The following CTNNA3 variants were observed in gnomAD, a reference collection of about 807,000 sequenced individuals.
The protein encoded by CTNNA3 is catenin alpha-3.
CTNNA3 carries 76 observed loss-of-function variants against 95.7 expected under a neutral mutation model. The observed-to-expected ratio is 0.79, with a 90% confidence interval of 0.66 to 0.96. CTNNA3 has a LOEUF of 0.96. Ranked by LOEUF, CTNNA3 falls within the 40% of genes least tolerant of loss-of-function variation. The pLI is 0.00. For missense variants in CTNNA3, 1,191 were observed against 1,089.8 expected, an observed-to-expected ratio of 1.09 and a Z score of -1.31; for synonymous variants, 431 against 374.4, an observed-to-expected ratio of 1.15 and a Z score of -1.74.
intron 12 of CTNNA3, among the ~76,000 whole-genome samples, chr10:66,341,827 G>C (rs1222024098): frequency 6.6e-6 from 1 of 151,764 alleles, no homozygotes; most frequent in Non-Finnish European, 1.5e-5. Flanking sequence ...TTCTACTGTT[G>C]ATATTATTCT....
At chr10:67,304,384 G>C (rs963437863) in intron 5 of CTNNA3, among the ~76,000 whole-genome samples, 2 of 152,112 alleles carry the variant, frequency 1.3e-5, no homozygotes, top group Admixed American at 6.5e-5. Context: ...TCTCATCAAT[G>C]TTTCATCTTT....
chr10:67,293,520 TA>T (rs1269853638), intron 5 of CTNNA3, among the ~76,000 whole-genome samples: 8 of 152,180 alleles, frequency 5.3e-5, no homozygotes, highest in Non-Finnish European at 1.0e-4. Context: ...TTACACATTT[TA>T]TTTTTTTTAT....
At chr10:65,976,922 GT>G (rs1325691522) in intron 16 of CTNNA3, among the ~76,000 whole-genome samples, 1 of 151,872 alleles carries the variant, frequency 6.6e-6, no homozygotes, top group African/African-American at 2.4e-5. Flanking sequence ...ACCATAGGTT[GT>G]CTTTTAATTT....
intron 13 of CTNNA3, among the ~76,000 whole-genome samples, chr10:66,217,299 G>C (rs1050023691): frequency 9.4e-5 from 14 of 149,204 alleles, no homozygotes; most frequent in Non-Finnish European, 2.1e-4. Context: ...GTTGCAGTGA[G>C]CCGAGATCAC....
chr10:66,529,030 G>A (rs1841367325), intron 10 of CTNNA3, among the ~76,000 whole-genome samples: 1 of 151,894 alleles, frequency 6.6e-6, no homozygotes, highest in African/African-American at 2.4e-5. Flanking sequence ...GTTGGTTTTT[G>A]TTTTCTAAAT....
chr10:66,070,068 A>T (rs1267951085), intron 14 of CTNNA3, among the ~76,000 whole-genome samples: 1 of 152,182 alleles, frequency 6.6e-6, no homozygotes, highest in Admixed American at 6.6e-5. Flanking sequence ...ATTCAATAAA[A>T]TTATCAAAAT....
chr10:66,194,381 ACCAG>A (rs1264375403), intron 13 of CTNNA3, among the ~76,000 whole-genome samples: 1 of 152,120 alleles, frequency 6.6e-6, no homozygotes, highest in East Asian at 1.9e-4. Flanking sequence ...GGAGTTCAAA[ACCAG>A]CCTGGCCAAC....
intron 5 of CTNNA3, among the ~76,000 whole-genome samples, chr10:67,483,488 A>T (rs1848319908): frequency 6.6e-6 from 1 of 151,322 alleles, no homozygotes; most frequent in South Asian, 2.1e-4. Flanking sequence ...GAAATTGGAA[A>T]TCATCATTCT....
chr10:66,276,858 G>A (rs2091409211), intron 13 of CTNNA3, among the ~76,000 whole-genome samples: 1 of 152,002 alleles, frequency 6.6e-6, no homozygotes, highest in Non-Finnish European at 1.5e-5. Flanking sequence ...ATTAACTCAT[G>A]TAAGCATAAT....
chr10:65,977,785 T>TA (rs34355539), intron 16 of CTNNA3, among the ~76,000 whole-genome samples: 2 of 151,412 alleles, frequency 1.3e-5, no homozygotes, highest in Non-Finnish European at 2.9e-5. Context: ...TCTCAAAAAT[T>TA]AAAAAAATAA....
At chr10:67,341,988 G>T (rs550765502) in intron 5 of CTNNA3, among the ~76,000 whole-genome samples, 1 of 126,588 alleles carries the variant, frequency 7.9e-6, no homozygotes, top group African/African-American at 2.9e-5. Context: ...CCATTTATGT[G>T]TCTTTTTTTT....
At chr10:66,504,400 C>A (rs946925330) in intron 11 of CTNNA3, among the ~76,000 whole-genome samples, 2 of 152,282 alleles carry the variant, frequency 1.3e-5, no homozygotes, top group Admixed American at 1.3e-4. Context: ...CTTTCTAAGT[C>A]CCTAAGTCTA....
intron 12 of CTNNA3, among the ~76,000 whole-genome samples, chr10:66,356,127 T>G (rs10822821): frequency 0.49 from 69,445 of 140,344 alleles, 18,119 homozygotes; most frequent in Non-Finnish European, 0.61. Context: ...GTTTTGTTTT[T>G]TTTTTTTTTT....
chr10:66,361,663 A>G (rs2092676625), intron 12 of CTNNA3, among the ~76,000 whole-genome samples: 1 of 151,456 alleles, frequency 6.6e-6, no homozygotes, highest in African/African-American at 2.4e-5. Flanking sequence ...TAAACCTCCC[A>G]AGTAGCTGTG....
At chr10:66,945,830 G>T (rs1848242533) in intron 7 of CTNNA3, among the ~76,000 whole-genome samples, 2 of 152,204 alleles carry the variant, frequency 1.3e-5, no homozygotes, top group Middle Eastern at 3.4e-3. Flanking sequence ...CAGGGAATAG[G>T]GAGGCCCACA....
chr10:66,482,292 C>T (rs1446334771), intron 11 of CTNNA3, among the ~76,000 whole-genome samples: 1 of 152,114 alleles, frequency 6.6e-6, no homozygotes, highest in Non-Finnish European at 1.5e-5. Context: ...GAAAACTTAA[C>T]TGTTTTGTTT....
At chr10:67,526,456 C>A (rs1320814918) in intron 4 of CTNNA3, among the ~76,000 whole-genome samples, 1 of 150,778 alleles carries the variant, frequency 6.6e-6, no homozygotes, top group African/African-American at 2.4e-5. Flanking sequence ...TAGGTGAAGG[C>A]ACACTGGCCT....
At chr10:66,680,460 A>C (rs1847029306) in intron 9 of CTNNA3, among the ~76,000 whole-genome samples, 1 of 152,202 alleles carries the variant, frequency 6.6e-6, no homozygotes, top group Non-Finnish European at 1.5e-5. Flanking sequence ...CAAAGGAAGA[A>C]GAATGGCAAA....
chr10:66,044,631 G>A (rs1454939041), intron 15 of CTNNA3, among the ~76,000 whole-genome samples: 1 of 151,946 alleles, frequency 6.6e-6, no homozygotes, highest in Non-Finnish European at 1.5e-5. Flanking sequence ...ATCAGCTGTT[G>A]ACTATAAACT....
Sources: allele counts gnomAD v4.1 joint callset (sites outside exome capture counted in the v4.1 genomes callset), GRCh38; gene constraint gnomAD v4.1.1; transcripts MANE v1.5; gene names NCBI Gene and HGNC (gene_info 2026-07-23, HGNC 2026-07-21).